EP300: variants seen among roughly 807,000 people sequenced by gnomAD.
EP300 encodes EP300 lysine acetyltransferase, also known as histone acetyltransferase p300.
EP300 carries 31 observed loss-of-function variants against 264.0 expected under a neutral mutation model. The ratio of observed to expected loss-of-function variants is 0.12; its 90% CI spans 0.09 to 0.16. The LOEUF is 0.16. Ranked by LOEUF, EP300 falls within the 10% of genes least tolerant of loss-of-function variation. The pLI is 1.00. For missense variants in EP300, 2,766 were observed against 3,052.9 expected, an observed-to-expected ratio of 0.91 and a Z score of 2.21; for synonymous variants, 1,340 against 1,045.4, an observed-to-expected ratio of 1.28 and a Z score of -5.44.
intron 26 of EP300, 54 bp downstream of exon 26, chr22:41,169,670 G>C: frequency 1.9e-6 from 2 of 1,030,302 alleles, no homozygotes; most frequent in South Asian, 1.3e-5. Flanking sequence ...GCATTCTGGT[G>C]AGATATAGGT....
In EP300 at chr22:41,176,908, C is replaced by A. The variant is rs762527097; in HGVS notation, c.5197C>A (p.Leu1733Met). Residue 1733 changes from leucine (L) to methionine (M), a missense_variant, in exon 31 of 31, where the codon CTG becomes ATG. Coordinates refer to ENST00000263253, the MANE Select transcript of EP300 (RefSeq NM_001429.4). ...CCAGAGCCCAGGCGATTCTCGCCGC[C>A]TGAGTATCCAGCGCTGCATCCAGTC... ...ATQSPGDSRR[L>M]SIQRCIQSLV... The A allele has an allele frequency of 2.5e-6, 4 of 1,614,160 alleles. No individual in the cohort carries two copies. In the South Asian group the frequency reaches 4.4e-5, roughly 18 times the overall value.
chr22:41,100,841 C>CAT (rs1040417728), intron 1 of EP300, among the ~76,000 whole-genome samples: 15 of 151,764 alleles, frequency 9.9e-5, no homozygotes, highest in African/African-American at 2.9e-4. Context: ...AAGGGACAAC[C>CAT]ATATATATAT....
chr22:41,150,169 C>A lies in EP300; in HGVS notation c.2788C>A (p.Pro930Thr), dbSNP rs1317037243. ...TAASVPTPTA[P>T]LLPPQPATPL... Reference sequence around the variant, plus strand: ...AGCGTCTGTTCCTACCCCAACAGCACCGCTGCTTCCTCCGCAGCCTGCAAC... The same window carrying A: ...AGCGTCTGTTCCTACCCCAACAGCAACGCTGCTTCCTCCGCAGCCTGCAAC... The change falls in exon 14 of 31, where the codon CCG becomes ACG. Residue 930 changes from proline (P) to threonine (T), a missense_variant. Transcript: ENST00000263253. The A allele has an allele frequency of 3.7e-6, 6 of 1,610,370 alleles. No individual in the cohort carries two copies. The East Asian group carries it at 1.3e-4, about 36-fold the overall frequency.
At chr22:41,176,014 G>GT (rs2059198304) in intron 29 of EP300, 2 of 555,138 alleles carry the variant, frequency 3.6e-6, no homozygotes, top group Admixed American at 6.2e-5. Flanking sequence ...GAGCTTAGGA[G>GT]TTTGAGACCA....
intron 16 of EP300, among the ~76,000 whole-genome samples, 191 bp downstream of exon 16, chr22:41,152,541 G>A (rs569658313): frequency 2.0e-5 from 3 of 149,114 alleles, no homozygotes; most frequent in South Asian, 2.1e-4. Context: ...ATATTCACTT[G>A]CAGCAACCAA....
Position 41,178,045 on chromosome 22 carries a change from G to A in EP300, c.6334G>A (p.Gly2112Arg). The A allele has an allele frequency of 6.2e-7, 1 of 1,614,108 alleles. No individual in the cohort carries two copies. The highest frequency in any genetic ancestry group is 8.5e-7 in the Non-Finnish European group (1 of 1,180,006). Residue 2112 changes from glycine to arginine, a missense_variant, in exon 31 of 31, where the codon GGG becomes AGG. Coordinates refer to ENST00000263253, the MANE Select transcript of EP300 (RefSeq NM_001429.4). ...GQPGMPQGQP[G>R]LQPPTMPGQQ... is the part of the protein sequence containing the mutation. Reference sequence around the variant, plus strand: ...GCCTGGCATGCCCCAGGGGCAGCCAGGGCTACAGCCACCTACCATGCCAGG... The same window carrying A: ...GCCTGGCATGCCCCAGGGGCAGCCAAGGCTACAGCCACCTACCATGCCAGG...
At chr22:41,099,719 AC>A (rs1646744481) in intron 1 of EP300, among the ~76,000 whole-genome samples, 1 of 152,160 alleles carries the variant, frequency 6.6e-6, no homozygotes, top group Non-Finnish European at 1.5e-5. Flanking sequence ...TGTCATTGCT[AC>A]TTTTGGACTT....
chr22:41,148,766 A>G (rs2059026363), intron 12 of EP300: 1 of 505,920 alleles, frequency 2.0e-6, no homozygotes, highest in African/African-American at 1.9e-5. Context: ...TGCTAGGCAT[A>G]TTTGTGTACC....
chr22:41,104,275 C>G (rs760307606), intron 1 of EP300, among the ~76,000 whole-genome samples: 1 of 151,432 alleles, frequency 6.6e-6, no homozygotes, highest in Non-Finnish European at 1.5e-5. Context: ...ATAATAGTGT[C>G]TTCATCATGT....
intron 2 of EP300, among the ~76,000 whole-genome samples, chr22:41,121,751 T>G (rs80150591): frequency 8.5e-5 from 13 of 152,154 alleles, no homozygotes; most frequent in Admixed American, 6.6e-4. Context: ...ATAAAGACAT[T>G]ACATTTATTA....
chr22:41,140,307 G>T (rs1209165189), intron 9 of EP300, 50 bp downstream of exon 9: 2 of 1,242,608 alleles, frequency 1.6e-6, no homozygotes, highest in Non-Finnish European at 1.2e-6. Flanking sequence ...ACCTGTTGTG[G>T]TTATTTTATT....
rs749078997 is a variant in EP300 at position 41,092,993 on chromosome 22, A to G, written c.-12A>G. The G allele has an allele frequency of 1.2e-6, 2 of 1,614,028 alleles. No homozygotes were observed. The highest frequency in any genetic ancestry group is 1.7e-6 in the Non-Finnish European group (2 of 1,179,962). On this transcript the variant is annotated 5_prime_UTR_variant, in exon 1 of 31. Coordinates refer to ENST00000263253, the MANE Select transcript of EP300 (RefSeq NM_001429.4). ...CTGGTTTTCCTCGCTTGTATCTCCG[A>G]AAGAATTAAAAATGGCCGAGAATGT...
In EP300 at chr22:41,146,822, T is replaced by C. The variant is rs773847173; in HGVS notation, c.2131+6T>C. The C allele has an allele frequency of 4.3e-6, 7 of 1,613,128 alleles. No individual in the cohort carries two copies. Among genetic ancestry groups the C allele is most frequent in the Non-Finnish European group, 5.9e-6 (7 of 1,179,476 alleles). On this transcript the variant is annotated splice_donor_region_variant and intron_variant, in intron 11 of 30. Transcript: ENST00000263253. ...TCGAATAACTCCACAATCTGGTAAA[T>C]AGTGAAAAAAATTTTTTTATTTTAA...
chr22:41,155,170 A>G (rs1601623396), intron 17 of EP300, 57 bp downstream of exon 17: 2 of 1,238,928 alleles, frequency 1.6e-6, no homozygotes, highest in Non-Finnish European at 2.4e-6. Flanking sequence ...AGCTTTATTG[A>G]GAGATAATTC....
chr22:41,136,826 G>A (rs555939716), intron 7 of EP300, among the ~76,000 whole-genome samples: 20 of 151,452 alleles, frequency 1.3e-4, no homozygotes, highest in African/African-American at 4.6e-4. Flanking sequence ...TTGGGAGGCC[G>A]AGGCAGGCAG....
chr22:41,162,477 AGTATTTCTAGTTCTT>A (rs769791273), intron 20 of EP300, among the ~76,000 whole-genome samples: 4 of 152,168 alleles, frequency 2.6e-5, no homozygotes, highest in Non-Finnish European at 5.9e-5. Flanking sequence ...AAGAAGAAAC[AGTATTTCTAGTTCTT>A]CCTGGGTTCT....
intron 1 of EP300, among the ~76,000 whole-genome samples, chr22:41,104,609 A>G (rs1034416935): frequency 5.9e-5 from 9 of 152,058 alleles, no homozygotes; most frequent in South Asian, 2.1e-4. Context: ...TATTTTCACA[A>G]GAAGTGTCAC....
chr22:41,131,367 T>G, intron 5 of EP300, 21 bp from the exon 6 acceptor site: 1 of 1,612,474 alleles, frequency 6.2e-7, no homozygotes, highest in South Asian at 1.1e-5. Flanking sequence ...TTTGTAATAC[T>G]ATATCTTTTG....
chr22:41,093,186 C>T (rs530721531), intron 1 of EP300, 88 bp downstream of exon 1: 62 of 1,316,222 alleles, frequency 4.7e-5, no homozygotes, highest in Non-Finnish European at 6.4e-5. Context: ...TTTTCTTCCT[C>T]TCTCTCTAGT....
Sources: gnomAD v4.1 joint callset for allele counts (sites outside exome capture counted in the v4.1 genomes callset) on GRCh38, gnomAD v4.1.1 for gene constraint, MANE v1.5 for transcripts, NCBI Gene and HGNC (gene_info 2026-07-23, HGNC 2026-07-21) for gene names.